Variants in HMGCLL1 observed in about 807,000 individuals in gnomAD.
The protein encoded by HMGCLL1 is 3-hydroxymethyl-3-methylglutaryl-CoA lyase, cytoplasmic.
HMGCLL1 carries 36 observed loss-of-function variants against 39.1 expected under a neutral mutation model. The observed-to-expected ratio is 0.92, with a 90% CI of 0.71 to 1.22. The LOEUF (loss-of-function observed/expected upper bound fraction) is 1.22. Among genes scored for constraint, HMGCLL1 ranks in the 50% most tolerant of loss-of-function variants. The pLI is 0.00. For missense variants in HMGCLL1, 451 were observed against 416.5 expected (o/e 1.08, Z -0.72); for synonymous variants, 149 against 144.0 (o/e 1.03, Z -0.25).
chr6:55,539,252 G>A (rs1307918844), intron 3 of HMGCLL1, among the ~76,000 whole-genome samples: 2 of 152,104 alleles, frequency 1.3e-5, no homozygotes, highest in African/African-American at 4.8e-5. Context: ...TTTGTCAATG[G>A]GAGGAAGGGA....
chr6:55,666,182 T>C, the HMGCLL1 span, among the ~76,000 whole-genome samples: 2 of 151,730 alleles, frequency 1.3e-5, no homozygotes. Context: ...CCCAATTGTA[T>C]GCTAAAAAAG....
intron 7 of HMGCLL1, among the ~76,000 whole-genome samples, chr6:55,450,256 A>G (rs1237312693): frequency 6.6e-6 from 1 of 152,224 alleles, no homozygotes; most frequent in African/African-American, 2.4e-5. Context: ...TATGCCATTG[A>G]CAAATTTTGA....
the HMGCLL1 span, among the ~76,000 whole-genome samples, chr6:55,626,504 C>A: frequency 2.6e-5 from 4 of 151,974 alleles, no homozygotes; most frequent in African/African-American, 9.7e-5. Context: ...AGGGCTGGGG[C>A]AAAGTTCTCC....
At chr6:55,646,309 T>C in the HMGCLL1 span, among the ~76,000 whole-genome samples, 39 of 151,842 alleles carry the variant, frequency 2.6e-4, no homozygotes, top group East Asian at 7.4e-3. Context: ...CTGGCTAAAG[T>C]TTTGTCAATT....
intron 7 of HMGCLL1, among the ~76,000 whole-genome samples, chr6:55,494,284 T>G (rs1415272222): frequency 6.6e-6 from 1 of 152,092 alleles, no homozygotes; most frequent in Non-Finnish European, 1.5e-5. Flanking sequence ...CTCAAAGTGT[T>G]AAAATATAGA....
chr6:55,624,260 T>C, the HMGCLL1 span, among the ~76,000 whole-genome samples: 2 of 151,996 alleles, frequency 1.3e-5, no homozygotes, highest in Admixed American at 1.3e-4. Flanking sequence ...AGAAGACAGA[T>C]AGATCTTGGA....
chr6:55,569,408 C>G (rs1771363598), intron 1 of HMGCLL1, among the ~76,000 whole-genome samples: 1 of 152,096 alleles, frequency 6.6e-6, no homozygotes, highest in Non-Finnish European at 1.5e-5. Context: ...GCTACTGAAT[C>G]AAAATTTCCT....
At chr6:55,613,673 A>G in the HMGCLL1 span, among the ~76,000 whole-genome samples, 1 of 125,906 alleles carries the variant, frequency 7.9e-6, no homozygotes, top group Non-Finnish European at 1.8e-5. Flanking sequence ...AAACTAACAG[A>G]GGCACAGAAA....
chr6:55,452,487 C>T (rs905687463), intron 7 of HMGCLL1, among the ~76,000 whole-genome samples: 1 of 152,164 alleles, frequency 6.6e-6, no homozygotes, highest in African/African-American at 2.4e-5. Flanking sequence ...GAATTTCTGA[C>T]AGATTTTCAG....
the HMGCLL1 span, among the ~76,000 whole-genome samples, chr6:55,607,278 C>G: frequency 2.6e-5 from 4 of 152,148 alleles, no homozygotes; most frequent in Admixed American, 2.0e-4. Context: ...TTTTCATGAG[C>G]ATTAAGTAGC....
chr6:55,440,119 G>A (rs904375967), intron 7 of HMGCLL1, among the ~76,000 whole-genome samples: 2 of 152,072 alleles, frequency 1.3e-5, no homozygotes, highest in Non-Finnish European at 2.9e-5. Context: ...TACTTTGGGA[G>A]AAGGAAGAAA....
At chr6:55,627,181 A>G in the HMGCLL1 span, among the ~76,000 whole-genome samples, 1 of 152,186 alleles carries the variant, frequency 6.6e-6, no homozygotes, top group Admixed American at 6.5e-5. Context: ...GTAGAAATGA[A>G]GATTGTAACT....
intron 1 of HMGCLL1, among the ~76,000 whole-genome samples, chr6:55,545,935 A>G (rs1441585852): frequency 6.6e-6 from 1 of 152,134 alleles, no homozygotes; most frequent in African/African-American, 2.4e-5. Flanking sequence ...TGACCAGGTA[A>G]CACCAGCATA....
intron 7 of HMGCLL1, among the ~76,000 whole-genome samples, chr6:55,493,518 C>A (rs966103161): frequency 6.6e-6 from 1 of 152,144 alleles, no homozygotes; most frequent in East Asian, 1.9e-4. Flanking sequence ...CAATGCAATT[C>A]AACCAATTTA....
chr6:55,583,608 G>T (rs1418006916), upstream of HMGCLL1, among the ~76,000 whole-genome samples: 1 of 151,990 alleles, frequency 6.6e-6, no homozygotes, highest in African/African-American at 2.4e-5. Context: ...TTGGACATTT[G>T]GGTTGGTTCC....
intron 1 of HMGCLL1, among the ~76,000 whole-genome samples, chr6:55,558,266 G>C (rs929979760): frequency 6.6e-6 from 1 of 152,162 alleles, no homozygotes; most frequent in Admixed American, 6.5e-5. Context: ...GAGGATGAAA[G>C]CTTCTTAAAA....
At chr6:55,446,045 T>C (rs1763815148) in intron 7 of HMGCLL1, among the ~76,000 whole-genome samples, 1 of 151,812 alleles carries the variant, frequency 6.6e-6, no homozygotes, top group Non-Finnish European at 1.5e-5. Flanking sequence ...CTTAAAAGTG[T>C]TTATTAAGCA....
chr6:55,655,592 T>A, the HMGCLL1 span, among the ~76,000 whole-genome samples: 1 of 129,672 alleles, frequency 7.7e-6, no homozygotes, highest in Non-Finnish European at 1.7e-5. Context: ...TGCCTCCAAC[T>A]CAAGTTTCCT....
chr6:55,477,225 ATAATATATATTATATT>A lies in HMGCLL1; in HGVS notation c.795+18178_795+18193del, dbSNP rs1490641342. Among the ~76,000 whole-genome samples the A allele has an allele frequency of 1.3e-4, 3 of 23,062 alleles. No homozygotes were observed. The Admixed American group carries it at 2.6e-3, about 20-fold the overall frequency. The allele number at this position is 23,062 out of a possible 152,430, so 15.1% of individuals were successfully genotyped here. On this transcript the variant is annotated intron_variant, in intron 7 of 8. Coordinates refer to ENST00000274901, the MANE Select transcript of HMGCLL1 (RefSeq NM_001042406.2). The stretch of plus-strand genomic sequence containing the variant: ...TATAATATATATTATATTATAATAT[ATAATATATATTATATT>A]TATATAATATATAATATATATTATA...
Sources: allele counts gnomAD v4.1 joint callset (sites outside exome capture counted in the v4.1 genomes callset), GRCh38; gene constraint gnomAD v4.1.1; transcripts MANE v1.5; gene names NCBI Gene and HGNC (gene_info 2026-07-23, HGNC 2026-07-21).